Variants in DIP2C observed in about 807,000 individuals in gnomAD.
The protein encoded by DIP2C is disco-interacting protein 2 homolog C.
In DIP2C, 33 loss-of-function variants were observed where a neutral mutation model predicts 192.4. The observed-to-expected ratio is 0.17, with a 90% CI of 0.13 to 0.23. The LOEUF (loss-of-function observed/expected upper bound fraction) is 0.23. Ranked by LOEUF, DIP2C falls within the 10% of genes least tolerant of loss-of-function variation. The pLI is 1.00. For missense variants in DIP2C, 1,537 were observed against 2,110.1 expected (o/e 0.73, Z 5.32); for synonymous variants, 979 against 864.1 (o/e 1.13, Z -2.33).
intron 22 of DIP2C, among the ~76,000 whole-genome samples, chr10:362,269 C>T (rs985291747): frequency 1.3e-5 from 2 of 152,198 alleles, no homozygotes; most frequent in African/African-American, 4.8e-5. Flanking sequence ...GACGACCACA[C>T]TAACACCCCT....
intron 31 of DIP2C, among the ~76,000 whole-genome samples, chr10:318,338 A>G (rs1277064930): frequency 1.3e-5 from 2 of 152,198 alleles, no homozygotes; most frequent in Non-Finnish European, 2.9e-5. Flanking sequence ...GAGACGATCA[A>G]CCAGTCACAT....
At chr10:337,362 T>TGTGGAGGCCTAGGCAGCTGTGTGTGTGTC (rs1957876998) in intron 29 of DIP2C, among the ~76,000 whole-genome samples, 6 of 74,316 alleles carry the variant, frequency 8.1e-5, no homozygotes, top group African/African-American at 2.7e-4. Flanking sequence ...GCGTGTGTGT[T>TGTGGAGGCCTAGGCAGCTGTGTGTGTGTC]GTGGAGGCCT....
intron 1 of DIP2C, among the ~76,000 whole-genome samples, chr10:599,873 G>A (rs997040793): frequency 3.3e-5 from 5 of 152,170 alleles, no homozygotes; most frequent in African/African-American, 4.8e-5. Flanking sequence ...CAGTGCTGCC[G>A]CCGCCTCCCC....
chr10:567,891 A>G (rs1849544390), intron 1 of DIP2C, among the ~76,000 whole-genome samples: 1 of 152,162 alleles, frequency 6.6e-6, no homozygotes, highest in African/African-American at 2.4e-5. Context: ...CAGCTCCCCA[A>G]AGCACTGGGA....
intron 32 of DIP2C, among the ~76,000 whole-genome samples, chr10:303,038 A>C (rs907694791): frequency 6.6e-6 from 1 of 152,182 alleles, no homozygotes; most frequent in Non-Finnish European, 1.5e-5. Context: ...GTGAGCTAAG[A>C]CAACACTGCA....
At chr10:375,185 G>A (rs530721924) in intron 17 of DIP2C, among the ~76,000 whole-genome samples, 1 of 152,202 alleles carries the variant, frequency 6.6e-6, no homozygotes, top group Non-Finnish European at 1.5e-5. Context: ...AATGCAGGTG[G>A]GCCTGTTCTC....
At chr10:526,157 C>G (rs111738721) in intron 1 of DIP2C, among the ~76,000 whole-genome samples, 2,050 of 152,304 alleles carry the variant, frequency 0.013, 49 homozygotes, top group African/African-American at 0.047. Flanking sequence ...GACCGGGGCT[C>G]ACATCAGCAG....
At position 689,078 on chromosome 10, in the gene DIP2C, G is replaced by A. The variant is rs1222631134; in HGVS notation, c.85+416C>T. 2.0e-5 allele frequency among the ~76,000 whole-genome samples: 3 copies of A among 152,012 alleles called. No individual in the cohort carries two copies. Among genetic ancestry groups the A allele is most frequent in the Admixed American group, 6.5e-5 (1 of 15,276 alleles). On this transcript the variant is annotated intron_variant, in intron 1 of 36. Coordinates refer to ENST00000280886, the MANE Select transcript of DIP2C (RefSeq NM_014974.3). The surrounding 1 kb of genome is among the most constrained non-coding windows in gnomAD (Gnocchi z 6.1). ...GCCGCGGCTCCAGCGCAGAGCGCAC[G>A]GGAAGGCCGATCCCGCCGGGCCCGC...
intron 1 of DIP2C, among the ~76,000 whole-genome samples, chr10:617,336 TC>T (rs1853538729): frequency 6.6e-6 from 1 of 152,024 alleles, no homozygotes; most frequent in Admixed American, 6.6e-5. Context: ...TCCACCCCAC[TC>T]AGCTGTGATG....
chr10:349,415 T>C lies in DIP2C; in HGVS notation c.3025A>G (p.Lys1009Glu). The part of the protein sequence containing the change: ...ANSLTCVQLH[K>E]RAEKIAVMLM... ...ATCACGGCGATCTTCTCAGCTCTCT[T>C]GTGCAGCTGCACGCAGGTCAGCGAG... The change falls in exon 25 of 37, where the codon AAG becomes GAG. Residue 1009 changes from lysine (K) to glutamate (E), a missense_variant. Transcript: ENST00000280886. 2 of 1,610,804 alleles carry C rather than the reference T, an allele frequency of 1.2e-6. No individual in the cohort carries two copies. Among genetic ancestry groups the C allele is most frequent in the Non-Finnish European group, 1.7e-6 (2 of 1,179,464 alleles).
rs1447645579 is a variant in DIP2C, at chr10:651,567, T to C, written c.85+37927A>G. 2 of 410,900 alleles carry C rather than the reference T, an allele frequency of 4.9e-6. No homozygotes were observed. The highest frequency in any genetic ancestry group is 9.2e-6 in the Non-Finnish European group (2 of 216,862). 25.5% of individuals were successfully genotyped at this position (410,900 alleles called of 1,614,324 possible). A position where few individuals can be genotyped will look rare whatever the true frequency, so the allele number is the denominator to read the frequency against. On this transcript the variant is annotated intron_variant, in intron 1 of 36. Coordinates refer to ENST00000280886, the MANE Select transcript of DIP2C (RefSeq NM_014974.3). The surrounding 1 kb of genome is among the most constrained non-coding windows in gnomAD (Gnocchi z 4.1). ...GTTTCAGTGCCTTTCCAGTTAAATG[T>C]TGTTAAGCAGTATTTCCCCCAAAAG...
intron 19 of DIP2C, chr10:365,035 T>C (rs1018537104): frequency 1.9e-6 from 1 of 529,446 alleles, no homozygotes; most frequent in Non-Finnish European, 3.9e-6. Context: ...AAAAGAAAAA[T>C]ATTAAGGAAG....
At chr10:329,950 A>T (rs941009868) in intron 29 of DIP2C, among the ~76,000 whole-genome samples, 22 of 146,598 alleles carry the variant, frequency 1.5e-4, no homozygotes, top group South Asian at 4.3e-4. Context: ...ATTTCGGTTT[A>T]AAAAAAAAAA....
chr10:567,277 C>T (rs754803260), intron 1 of DIP2C, among the ~76,000 whole-genome samples: 3 of 152,160 alleles, frequency 2.0e-5, no homozygotes, highest in Non-Finnish European at 4.4e-5. Flanking sequence ...CAACCTCTAC[C>T]TCCCAGATTC....
intron 31 of DIP2C, among the ~76,000 whole-genome samples, chr10:326,118 C>G (rs188835264): frequency 7.7e-4 from 117 of 152,114 alleles, no homozygotes; most frequent in African/African-American, 2.7e-3. Context: ...GAGCGGGGGG[C>G]AGGGGGTTGA....
rs894130806 is a variant in DIP2C, at chr10:395,340, T to C, written c.1260+3769A>G. Reference sequence around the variant, plus strand: ...TGAGAGGTAAGCAAGGTGACAGATATGTTAATCAGTTTGATAAACATTCCA... The same window carrying C: ...TGAGAGGTAAGCAAGGTGACAGATACGTTAATCAGTTTGATAAACATTCCA... On this transcript the variant is annotated intron_variant, in intron 10 of 36. Coordinates refer to ENST00000280886, the MANE Select transcript of DIP2C (RefSeq NM_014974.3). 3.3e-5 allele frequency among the ~76,000 whole-genome samples: 5 copies of C among 152,336 alleles called. No homozygotes were observed. The East Asian group carries it at 7.7e-4, about 23-fold the overall frequency.
At chr10:335,317 C>T (rs761854496) in intron 29 of DIP2C, among the ~76,000 whole-genome samples, 10 of 152,188 alleles carry the variant, frequency 6.6e-5, no homozygotes, top group Middle Eastern at 3.2e-3. Flanking sequence ...TGACCTGATG[C>T]GTAATCCCAG....
intron 20 of DIP2C, among the ~76,000 whole-genome samples, chr10:364,158 AAT>A (rs1488744743): frequency 1.3e-5 from 2 of 152,226 alleles, no homozygotes; most frequent in Admixed American, 6.5e-5. Flanking sequence ...GTTCAATGGA[AAT>A]ATATTTATGG....
At chr10:390,438 C>A in intron 11 of DIP2C, 65 bp from the exon 12 acceptor site, 1 of 1,461,620 alleles carries the variant, frequency 6.8e-7, no homozygotes, top group South Asian at 1.1e-5. Flanking sequence ...GAATTTCTCC[C>A]CATTTATGTG....
Sources: gnomAD v4.1 joint callset for allele counts (sites outside exome capture counted in the v4.1 genomes callset) on GRCh38, gnomAD v4.1.1 for gene constraint, Gnocchi (gnomAD v3.1) non-coding constraint, MANE v1.5 for transcripts, NCBI Gene and HGNC (gene_info 2026-07-23, HGNC 2026-07-21) for gene names.